NDFIP1: variants seen among roughly 807,000 people sequenced by gnomAD.
NDFIP1 encodes the protein NEDD4 family-interacting protein 1.
In NDFIP1, 7 loss-of-function variants were observed where a neutral mutation model predicts 28.8. The observed-to-expected ratio is 0.24, with a 90% CI of 0.14 to 0.46. The LOEUF (loss-of-function observed/expected upper bound fraction) is 0.46, where lower values mean the gene tolerates loss of function less well. Among genes scored for constraint, NDFIP1 ranks in the 20% least tolerant of loss-of-function variants. The pLI is 0.99. For missense variants in NDFIP1, 194 were observed against 269.1 expected, an observed-to-expected ratio of 0.72 and a Z score of 1.95; for synonymous variants, 92 against 101.0, an observed-to-expected ratio of 0.91 and a Z score of 0.53.
rs1315889565 is a variant in NDFIP1, at chr5:142,121,310, G to A, written c.64-10498G>A. Among the ~76,000 whole-genome samples, 8 of 152,300 alleles carry A rather than the reference G, an allele frequency of 5.3e-5. No homozygotes were observed. In the East Asian group the frequency reaches 1.5e-3, roughly 29 times the overall value. The stretch of plus-strand genomic sequence containing the variant: ...TCTCATTTCTAAAGAGATAAAGGTT[G>A]GAGATGCCTGTTTCTCCTTTGTGTT... On this transcript the variant is annotated intron_variant, in intron 1 of 7. Coordinates refer to ENST00000253814, the MANE Select transcript of NDFIP1 (RefSeq NM_030571.4).
chr5:142,110,035 T>G (rs904347599), intron 1 of NDFIP1, among the ~76,000 whole-genome samples: 16 of 152,168 alleles, frequency 1.1e-4, no homozygotes, highest in African/African-American at 3.9e-4. Context: ...TCTTAGACGA[T>G]CTACAATTTT....
chr5:142,151,526 T>C (rs1448445766), intron 7 of NDFIP1, among the ~76,000 whole-genome samples: 2 of 152,234 alleles, frequency 1.3e-5, no homozygotes. Context: ...TCCAGTTTTT[T>C]CTAGTTCTAG....
rs983922991 is a variant in NDFIP1, at chr5:142,153,337, C to T, written c.*1609C>T. The T allele has an allele frequency of 6.6e-6, 3 of 456,466 alleles. No homozygotes were observed. Among genetic ancestry groups the T allele is most frequent in the Non-Finnish European group, 8.8e-6 (2 of 226,932 alleles). 28.3% of individuals were successfully genotyped at this position (456,466 alleles called of 1,614,324 possible). ...GTCAAATTACTACACAAATCAGCAC[C>T]AGCACAGTCTGATAGCTGCAAATGT... On this transcript the variant is annotated 3_prime_UTR_variant, in exon 8 of 8. Transcript: ENST00000253814.
intron 1 of NDFIP1, among the ~76,000 whole-genome samples, chr5:142,130,355 A>T (rs1388820128): frequency 1.3e-5 from 2 of 152,208 alleles, no homozygotes; most frequent in African/African-American, 2.4e-5. Context: ...AGTTGCTGAG[A>T]TAGGGAAAAG....
chr5:142,112,833 TA>T (rs1308111225), intron 1 of NDFIP1, among the ~76,000 whole-genome samples: 1 of 151,376 alleles, frequency 6.6e-6, no homozygotes, highest in African/African-American at 2.4e-5. Flanking sequence ...GGCATTATTT[TA>T]TTTTTTTTTT....
rs752906085 is a variant in NDFIP1, at chr5:142,129,784, C to T, written c.64-2024C>T. ...AAAATTAGCCAGGTCTGGTGGCATA[C>T]GCCTGTAGTCCCAGCTACTTGGAGT... On this transcript the variant is annotated intron_variant, in intron 1 of 7. Transcript: ENST00000253814. Among the ~76,000 whole-genome samples, 88 of 151,974 alleles carry T rather than the reference C, an allele frequency of 5.8e-4. No homozygotes were observed. The Middle Eastern group carries it at 0.014, about 24-fold the overall frequency.
intron 1 of NDFIP1, among the ~76,000 whole-genome samples, chr5:142,121,149 T>G (rs765745134): frequency 4.6e-5 from 7 of 152,218 alleles, no homozygotes; most frequent in Non-Finnish European, 7.3e-5. Flanking sequence ...TAATTGGTTG[T>G]TTTTAGAAGA....
intron 7 of NDFIP1, among the ~76,000 whole-genome samples, chr5:142,151,045 A>G (rs1561606609): frequency 6.6e-6 from 1 of 152,242 alleles, no homozygotes; most frequent in Admixed American, 6.5e-5. Flanking sequence ...ATTAGATGAA[A>G]ACTGCATTTA....
At chr5:142,123,436 A>T (rs902791873) in intron 1 of NDFIP1, among the ~76,000 whole-genome samples, 1 of 152,166 alleles carries the variant, frequency 6.6e-6, no homozygotes, top group Non-Finnish European at 1.5e-5. Context: ...GTCCAGCCAT[A>T]AAATAATTCT....
chr5:142,127,003 T>C (rs1432742508), intron 1 of NDFIP1, among the ~76,000 whole-genome samples: 3 of 151,698 alleles, frequency 2.0e-5, no homozygotes, highest in African/African-American at 7.3e-5. Flanking sequence ...AAAAAAACGC[T>C]CTATTTTATT....
chr5:142,150,180 CA>C (rs761699097), intron 7 of NDFIP1, among the ~76,000 whole-genome samples: 6,119 of 79,232 alleles, frequency 0.077, 110 homozygotes, highest in Middle Eastern at 0.11. Flanking sequence ...GACTCCGTCT[CA>C]AAAAAAAAAA....
chr5:142,152,011 T>C lies in NDFIP1; in HGVS notation c.*283T>C, dbSNP rs1757451411. The C allele has an allele frequency of 6.5e-6, 1 of 152,814 alleles. No homozygotes were observed. Among genetic ancestry groups the C allele is most frequent in the Non-Finnish European group, 1.5e-5 (1 of 68,044 alleles). The allele number at this position is 152,814 out of a possible 1,614,324, so 9.5% of individuals were successfully genotyped here. On this transcript the variant is annotated 3_prime_UTR_variant, in exon 8 of 8. Transcript: ENST00000253814. ...TATTAATAATGCCTTATATATTGTT[T>C]GTAGTCATTTTAAGTAGCATGAGCC...
intron 1 of NDFIP1, among the ~76,000 whole-genome samples, chr5:142,117,509 G>A (rs1757081451): frequency 6.6e-6 from 1 of 152,108 alleles, no homozygotes; most frequent in African/African-American, 2.4e-5. Context: ...CCAAAGTGCT[G>A]GGATTACAGG....
intron 1 of NDFIP1, among the ~76,000 whole-genome samples, chr5:142,130,749 T>C (rs2126917281): frequency 6.6e-6 from 1 of 151,776 alleles, no homozygotes; most frequent in South Asian, 2.1e-4. Flanking sequence ...TATTTGAACA[T>C]GCAGATACAC....
Position 142,135,745 on chromosome 5 carries a change from G to A in NDFIP1, c.298G>A (p.Gly100Ser), listed in dbSNP as rs1035726195. The change falls in exon 4 of 8, where the codon GGT becomes AGT. Residue 100 changes from glycine to serine, a missense_variant. By Grantham distance (56) the Gly-to-Ser change is moderately conservative. Coordinates refer to ENST00000253814, the MANE Select transcript of NDFIP1 (RefSeq NM_030571.4). ...LVPGRDEDFVGRDDFDDADQL... is the reference protein window; with the variant it reads ...LVPGRDEDFVSRDDFDDADQL... ...TTTCATTTAGGATGAGGATTTTGTG[G>A]GTCGGGATGATTTTGATGATGCTGA... 4.3e-6 allele frequency: 7 copies of A among 1,613,418 alleles called. No homozygotes were observed. Among genetic ancestry groups the A allele is most frequent in the Non-Finnish European group, 5.9e-6 (7 of 1,179,702 alleles).
At chr5:142,124,368 T>A (rs924040379) in intron 1 of NDFIP1, among the ~76,000 whole-genome samples, 2 of 152,218 alleles carry the variant, frequency 1.3e-5, no homozygotes, top group Non-Finnish European at 2.9e-5. Context: ...ACTTGTTACT[T>A]GGACCTATGT....
At chr5:142,113,079 T>C (rs1366670461) in intron 1 of NDFIP1, among the ~76,000 whole-genome samples, 9 of 152,168 alleles carry the variant, frequency 5.9e-5, no homozygotes, top group African/African-American at 2.2e-4. Flanking sequence ...TCAATGTAAG[T>C]GGGTGATGAT....
intron 1 of NDFIP1, among the ~76,000 whole-genome samples, chr5:142,110,885 C>G (rs988269829): frequency 2.0e-5 from 3 of 151,384 alleles, no homozygotes; most frequent in Non-Finnish European, 4.4e-5. Flanking sequence ...CATACCAAAC[C>G]CTTATGAACC....
At chr5:142,110,360 T>C (rs552578528) in intron 1 of NDFIP1, among the ~76,000 whole-genome samples, 1 of 152,174 alleles carries the variant, frequency 6.6e-6, no homozygotes, top group Non-Finnish European at 1.5e-5. Flanking sequence ...CAGATGCCAC[T>C]TAACTGTCAC....
Sources: gnomAD v4.1 joint callset for allele counts (sites outside exome capture counted in the v4.1 genomes callset) on GRCh38, gnomAD v4.1.1 for gene constraint, MANE v1.5 for transcripts, NCBI Gene and HGNC (gene_info 2026-07-23, HGNC 2026-07-21) for gene names.